Variants in ACBD5 observed in about 807,000 individuals in gnomAD.
ACBD5 encodes acyl-CoA-binding domain-containing protein 5.
ACBD5 carries 40 observed loss-of-function variants against 71.8 expected under a neutral mutation model. The ratio of observed to expected loss-of-function variants is 0.56; its 90% CI spans 0.43 to 0.72. The LOEUF is 0.72. ACBD5 is among the 30% of genes least tolerant of loss of function. The pLI is 0.00. For missense variants in ACBD5, 559 were observed against 644.5 expected (o/e 0.87, Z 1.44); for synonymous variants, 229 against 218.6 (o/e 1.05, Z -0.42).
At position 27,240,177 on chromosome 10, in the gene ACBD5, T is replaced by C. The variant is rs1589434277; in HGVS notation, c.181+142A>G. The C allele has an allele frequency of 7.7e-7, 1 of 1,295,124 alleles. No homozygotes were observed. Among genetic ancestry groups the C allele is most frequent in the Non-Finnish European group, 1.1e-6 (1 of 944,822 alleles). The allele number at this position is 1,295,124 out of a possible 1,614,324, so 80.2% of individuals were successfully genotyped here. A position where few individuals can be genotyped will look rare whatever the true frequency, so the allele number is the denominator to read the frequency against. ...GTTTGGAAGATCAAAAGGTAATTAATTCATATTCAATAGCTCCCCTTCCAC... is the reference window on the plus strand; with the variant it reads ...GTTTGGAAGATCAAAAGGTAATTAACTCATATTCAATAGCTCCCCTTCCAC... On this transcript the variant is annotated intron_variant, in intron 2 of 12. Transcript: ENST00000396271. The surrounding 1 kb of genome is among the most constrained non-coding windows in gnomAD (Gnocchi z 4.1).
At chr10:27,182,993 G>A (rs1437841415) in intron 13 of ACBD5, among the ~76,000 whole-genome samples, 2 of 151,984 alleles carry the variant, frequency 1.3e-5, no homozygotes, top group Non-Finnish European at 2.9e-5. Flanking sequence ...GCCTGATAAA[G>A]TTAAGGAAAT....
At chr10:27,204,658 A>T (rs886674257) in intron 11 of ACBD5, 109 bp from the exon 12 acceptor site, 3 of 762,394 alleles carry the variant, frequency 3.9e-6, no homozygotes, top group Non-Finnish European at 6.8e-6. Flanking sequence ...TTAGTAACAA[A>T]TCTCACTCCT....
chr10:27,222,221 C>A (rs1052085531), intron 5 of ACBD5, among the ~76,000 whole-genome samples: 2 of 151,848 alleles, frequency 1.3e-5, no homozygotes, highest in Non-Finnish European at 2.9e-5. Flanking sequence ...GGATGCCAGG[C>A]GATTTTTATT....
At chr10:27,211,345 G>A (rs933500272) in intron 8 of ACBD5, among the ~76,000 whole-genome samples, 9 of 152,090 alleles carry the variant, frequency 5.9e-5, no homozygotes, top group African/African-American at 2.2e-4. Context: ...TTTTTGAGAT[G>A]GAGTCTCGCT....
downstream of ACBD5, chr10:27,195,075 T>C (rs553148320): frequency 2.0e-4 from 51 of 260,820 alleles, no homozygotes; most frequent in African/African-American, 1.0e-3. Context: ...TTCATCCCAG[T>C]TTCTGATTTT....
chr10:27,202,740 T>C (rs893551530), intron 12 of ACBD5, among the ~76,000 whole-genome samples: 1 of 152,116 alleles, frequency 6.6e-6, no homozygotes, highest in Non-Finnish European at 1.5e-5. Flanking sequence ...AAAGGAACTT[T>C]GAGATGCATT....
intron 13 of ACBD5, among the ~76,000 whole-genome samples, chr10:27,186,156 A>G (rs559817417): frequency 6.6e-5 from 10 of 152,358 alleles, no homozygotes; most frequent in Non-Finnish European, 1.2e-4. Flanking sequence ...CATTAAACAA[A>G]TACAAACCAG....
intron 13 of ACBD5, among the ~76,000 whole-genome samples, chr10:27,185,390 T>G (rs1025646683): frequency 3.3e-5 from 5 of 151,998 alleles, no homozygotes; most frequent in Non-Finnish European, 7.4e-5. Flanking sequence ...CCCAGCACTT[T>G]GGGAGGCTGA....
At chr10:27,186,968 T>C (rs2058797827) in intron 13 of ACBD5, 1 of 241,826 alleles carries the variant, frequency 4.1e-6, no homozygotes, top group African/African-American at 2.3e-5. Flanking sequence ...AGCTGTGTTC[T>C]TGAGGGCAAT....
chr10:27,197,379 T>C lies in ACBD5; in HGVS notation c.*51A>G, dbSNP rs751525362. 1 of 1,574,424 alleles carries C rather than the reference T, an allele frequency of 6.4e-7. No homozygotes were observed. Among genetic ancestry groups the C allele is most frequent in the Non-Finnish European group, 8.7e-7 (1 of 1,144,702 alleles). On this transcript the variant is annotated 3_prime_UTR_variant, in exon 13 of 13. Coordinates refer to ENST00000396271, the MANE Select transcript of ACBD5 (RefSeq NM_145698.5). ...CTTGTGAACACCACAATCCAGTTCA[T>C]TCTGAGGTCATCCAGTTCCAGTAGT...
chr10:27,235,033 C>T (rs1236503338), intron 3 of ACBD5, 59 bp downstream of exon 3: 1 of 1,509,504 alleles, frequency 6.6e-7, no homozygotes, highest in Non-Finnish European at 9.2e-7. Context: ...AAGTAATAGC[C>T]ATATGATAAT....
At chr10:27,199,906 G>A (rs556665466) in intron 12 of ACBD5, among the ~76,000 whole-genome samples, 1 of 151,986 alleles carries the variant, frequency 6.6e-6, no homozygotes, top group South Asian at 2.1e-4. Context: ...AGACAATAGC[G>A]TGAACCTGGG....
At chr10:27,241,719 T>A (rs940509006), upstream of ACBD5, among the ~76,000 whole-genome samples, 8 of 143,420 alleles carry the variant, frequency 5.6e-5, no homozygotes, top group South Asian at 2.3e-4. Flanking sequence ...AAACCAATAA[T>A]TAAAAAAAAA....
At chr10:27,202,766 T>G (rs892112182) in intron 12 of ACBD5, among the ~76,000 whole-genome samples, 4 of 151,912 alleles carry the variant, frequency 2.6e-5, no homozygotes, top group African/African-American at 9.7e-5. Flanking sequence ...TATGTAAACA[T>G]CTCCCCATAA....
chr10:27,210,884 G>C lies in ACBD5; in HGVS notation c.1134C>G (p.Asn378Lys). 6.2e-7 allele frequency: 1 copy of C among 1,614,194 alleles called. No individual in the cohort carries two copies. Among genetic ancestry groups the C allele is most frequent in the South Asian group, 1.1e-5 (1 of 91,084 alleles). ...VKHGGEDGRN[N>K]SGAPHREKRG... is the part of the protein sequence containing the mutation. ...GCTTCTCCCGGTGTGGTGCTCCGCTGTTATTCCTGCCATCTTCTCCTCCAT... is the reference window on the plus strand; with the variant it reads ...GCTTCTCCCGGTGTGGTGCTCCGCTCTTATTCCTGCCATCTTCTCCTCCAT... The change falls in exon 9 of 13, where the codon AAC becomes AAG. Residue 378 changes from asparagine to lysine, a missense_variant. Asn to Lys is a moderately conservative substitution (Grantham distance 94). Transcript: ENST00000396271.
At chr10:27,238,913 T>C (rs2065106004) in intron 2 of ACBD5, among the ~76,000 whole-genome samples, 1 of 152,174 alleles carries the variant, frequency 6.6e-6, no homozygotes, top group Admixed American at 6.6e-5. Context: ...AATATGTTTA[T>C]TGGGCCGGGC....
At chr10:27,215,663 G>C in intron 7 of ACBD5, 22 bp from the exon 8 acceptor site, 1 of 1,530,892 alleles carries the variant, frequency 6.5e-7, no homozygotes, top group Non-Finnish European at 9.0e-7. Flanking sequence ...CAAAAGTGCA[G>C]ATAGGGTAAT....
chr10:27,196,308 G>T lies in ACBD5; in HGVS notation c.*1122C>A, dbSNP rs759058618. On this transcript the variant is annotated 3_prime_UTR_variant, in exon 13 of 13. Transcript: ENST00000396271. ...GAAGGCATACAGGAAAAGTCTCCAA[G>T]GATCTAAATTGTAGTCTTCTTTTTG... 31 of 453,992 alleles carry T rather than the reference G, an allele frequency of 6.8e-5. No individual in the cohort carries two copies. Among genetic ancestry groups the T allele is most frequent in the South Asian group, 4.8e-4 (31 of 64,482 alleles). 28.1% of individuals were successfully genotyped at this position (453,992 alleles called of 1,614,324 possible).
intron 4 of ACBD5, 98 bp from the exon 5 acceptor site, chr10:27,223,550 T>C (rs1214853590): frequency 2.2e-6 from 2 of 903,214 alleles, no homozygotes; most frequent in Non-Finnish European, 3.6e-6. Context: ...TCAATAATTT[T>C]AATATTTGAC....
Sources: gnomAD v4.1 joint callset for allele counts (sites outside exome capture counted in the v4.1 genomes callset) on GRCh38, gnomAD v4.1.1 for gene constraint, Gnocchi (gnomAD v3.1) non-coding constraint, MANE v1.5 for transcripts, NCBI Gene and HGNC (gene_info 2026-07-23, HGNC 2026-07-21) for gene names.